SHANK2: variants seen among roughly 807,000 people sequenced by gnomAD.
SHANK2 encodes SH3 and multiple ankyrin repeat domains 2, also known as SH3 and multiple ankyrin repeat domains protein 2.
SHANK2 carries 43 observed loss-of-function variants against 133.7 expected under a neutral mutation model. The ratio of observed to expected loss-of-function variants is 0.32; its 90% CI spans 0.25 to 0.41. The LOEUF is 0.41. SHANK2 is among the 10% of genes least tolerant of loss of function. SHANK2 has a pLI of 1.00. For missense variants in SHANK2, 1,994 were observed against 2,235.8 expected (o/e 0.89, Z 2.18); for synonymous variants, 1,017 against 952.8 (o/e 1.07, Z -1.24).
At chr11:71,241,418 G>A (rs1456451552) in intron 1 of SHANK2, among the ~76,000 whole-genome samples, 1 of 152,092 alleles carries the variant, frequency 6.6e-6, no homozygotes, top group Non-Finnish European at 1.5e-5. Context: ...CCCCACACAG[G>A]CGACCCAAGG....
intron 21 of SHANK2, among the ~76,000 whole-genome samples, chr11:70,497,303 T>G (rs1229226093): frequency 6.6e-6 from 1 of 152,202 alleles, no homozygotes; most frequent in Non-Finnish European, 1.5e-5. Context: ...CTGCTTCTCA[T>G]TCTAGGCTCC....
At chr11:70,833,999 C>T (rs192043832) in intron 11 of SHANK2, among the ~76,000 whole-genome samples, 94 of 152,330 alleles carry the variant, frequency 6.2e-4, no homozygotes, top group Non-Finnish European at 1.1e-3. Flanking sequence ...CAGCTTTGAG[C>T]GTCACCTTCA....
rs73529945 is a variant in SHANK2 at position 70,744,153 on chromosome 11, A to G, written c.1778-45390T>C. 1.8e-3 allele frequency among the ~76,000 whole-genome samples: 274 copies of G among 152,300 alleles called. 1 individual carries two copies. Among genetic ancestry groups the G allele is most frequent in the African/African-American group, 6.5e-3 (269 of 41,572 alleles). ...AGGAAAGTGGAAGAACCAGGAACACACAGGGCCCCAGAGCCACATTCACGC... is the reference window on the plus strand; with the variant it reads ...AGGAAAGTGGAAGAACCAGGAACACGCAGGGCCCCAGAGCCACATTCACGC... On this transcript the variant is annotated intron_variant, in intron 14 of 25. Coordinates refer to ENST00000601538, the MANE Select transcript of SHANK2 (RefSeq NM_012309.5).
intron 17 of SHANK2, among the ~76,000 whole-genome samples, chr11:70,614,056 C>T (rs781853135): frequency 2.6e-5 from 4 of 151,912 alleles, no homozygotes; most frequent in Non-Finnish European, 5.9e-5. Context: ...TGAGCCATTG[C>T]GCCCAACCAG....
Position 71,220,643 on chromosome 11 carries a change from T to C in SHANK2, c.-13+4054A>G, listed in dbSNP as rs147850035. Among the ~76,000 whole-genome samples the C allele has an allele frequency of 7.2e-5, 11 of 152,236 alleles. No individual in the cohort carries two copies. The East Asian group carries it at 1.7e-3, about 24-fold the overall frequency. Reference sequence around the variant, plus strand: ...ATACATGCTACAATGTGGATGACCCTGGAGGACATTACGTTAAGTGAAAGA... The same window carrying C: ...ATACATGCTACAATGTGGATGACCCCGGAGGACATTACGTTAAGTGAAAGA... On this transcript the variant is annotated intron_variant, in intron 2 of 25. Transcript: ENST00000601538.
At chr11:70,784,935 C>A (rs1262274980) in intron 14 of SHANK2, among the ~76,000 whole-genome samples, 1 of 152,224 alleles carries the variant, frequency 6.6e-6, no homozygotes, top group African/African-American at 2.4e-5. Flanking sequence ...CCCCTGCAGG[C>A]TGAGCTGTCA....
chr11:70,870,586 T>C (rs1949443496), intron 11 of SHANK2, among the ~76,000 whole-genome samples: 1 of 152,056 alleles, frequency 6.6e-6, no homozygotes, highest in Non-Finnish European at 1.5e-5. Context: ...GGTCAAGGTG[T>C]TGGCAGTGGG....
At chr11:70,943,944 T>C (rs1555084847) in intron 10 of SHANK2, 2 of 456,716 alleles carry the variant, frequency 4.4e-6, no homozygotes, top group Admixed American at 4.7e-5. Context: ...ATATTACTTG[T>C]TGACTTCCTG....
chr11:71,108,942 C>A (rs184028577), intron 6 of SHANK2, among the ~76,000 whole-genome samples: 4 of 152,202 alleles, frequency 2.6e-5, no homozygotes, highest in African/African-American at 4.8e-5. Flanking sequence ...AGCGGGCCCC[C>A]CCCCAGCGTT....
At chr11:70,502,723 GCTGTCCTGCCCGCCCCCACCCCCC>G in intron 18 of SHANK2, 49 bp downstream of exon 18, 1 of 1,036,524 alleles carries the variant, frequency 9.6e-7, no homozygotes, top group Non-Finnish European at 1.4e-6. Context: ...CTGCCCCCCA[GCTGTCCTGCCCGCCCCCACCCCCC>G]CCCCCCAGTA....
intron 11 of SHANK2, among the ~76,000 whole-genome samples, chr11:70,874,533 T>C (rs907508535): frequency 6.6e-6 from 1 of 152,152 alleles, no homozygotes; most frequent in African/African-American, 2.4e-5. Context: ...TTAACAGTCA[T>C]GTAATAACCA....
intron 17 of SHANK2, among the ~76,000 whole-genome samples, chr11:70,557,762 C>T (rs79060409): frequency 0.023 from 3,483 of 152,256 alleles, 74 homozygotes; most frequent in East Asian, 0.1. Flanking sequence ...CCCCAGTGAT[C>T]CCGAGGAGGC....
chr11:71,112,497 G>A (rs910997458), intron 5 of SHANK2, among the ~76,000 whole-genome samples: 5 of 152,162 alleles, frequency 3.3e-5, no homozygotes, highest in Non-Finnish European at 5.9e-5. Flanking sequence ...TGGTGAGCTC[G>A]CAGCTGCAGG....
At chr11:70,492,756 G>C (rs533753870) in intron 21 of SHANK2, among the ~76,000 whole-genome samples, 28 of 147,826 alleles carry the variant, frequency 1.9e-4, no homozygotes, top group African/African-American at 6.5e-4. Context: ...GAAGCTTTTT[G>C]GGACATTTCT....
At chr11:70,656,503 C>G (rs1268472139) in intron 17 of SHANK2, among the ~76,000 whole-genome samples, 1 of 152,154 alleles carries the variant, frequency 6.6e-6, no homozygotes, top group Non-Finnish European at 1.5e-5. Context: ...CCGCCCTGCC[C>G]CTCCCACGGC....
intron 17 of SHANK2, among the ~76,000 whole-genome samples, chr11:70,651,022 T>A (rs2061333327): frequency 6.6e-6 from 1 of 152,184 alleles, no homozygotes. Context: ...TTATTTACAG[T>A]TCAAGAAACT....
At chr11:70,827,199 C>T (rs1029711995) in intron 11 of SHANK2, among the ~76,000 whole-genome samples, 2 of 151,604 alleles carry the variant, frequency 1.3e-5, no homozygotes, top group Non-Finnish European at 2.9e-5. Context: ...CCCATGACTT[C>T]TCTGGCTCCC....
chr11:70,566,199 C>A (rs905017039), intron 17 of SHANK2, among the ~76,000 whole-genome samples: 6 of 152,086 alleles, frequency 3.9e-5, no homozygotes, highest in Admixed American at 1.3e-4. Context: ...TGGGTCCCTC[C>A]CACAACACAT....
At chr11:70,561,577 G>A (rs1031541181) in intron 17 of SHANK2, among the ~76,000 whole-genome samples, 4 of 151,882 alleles carry the variant, frequency 2.6e-5, no homozygotes, top group Non-Finnish European at 5.9e-5. Context: ...TGCCCAGACT[G>A]GAGTGCCGTG....
Sources: gnomAD v4.1 joint callset for allele counts (sites outside exome capture counted in the v4.1 genomes callset) on GRCh38, gnomAD v4.1.1 for gene constraint, MANE v1.5 for transcripts, NCBI Gene and HGNC (gene_info 2026-07-23, HGNC 2026-07-21) for gene names.